SAFB: variants seen among roughly 807,000 people sequenced by gnomAD.
The protein encoded by SAFB is scaffold attachment factor B.
Under a neutral mutation model 101.6 loss-of-function variants are expected in SAFB, and 15 were observed. That is an observed-to-expected ratio of 0.15 (90% CI 0.10 to 0.23). The LOEUF is 0.23. Among genes scored for constraint, SAFB ranks in the 10% least tolerant of loss-of-function variants. The pLI, the probability that SAFB is intolerant of heterozygous loss-of-function variation, is 1.00. For synonymous variants in SAFB, 449 were observed against 407.5 expected (o/e 1.10, Z -1.23); for missense variants, 930 against 1,104.1 (o/e 0.84, Z 2.23).
intron 1 of SAFB, among the ~76,000 whole-genome samples, chr19:5,623,780 G>T (rs1450989868): frequency 6.6e-6 from 1 of 152,194 alleles, no homozygotes; most frequent in East Asian, 1.9e-4. Context: ...GGCCGAGGAC[G>T]GGCAGCGTCG....
At chr19:5,652,655 C>G (rs1196841886) in intron 9 of SAFB, among the ~76,000 whole-genome samples, 1 of 151,938 alleles carries the variant, frequency 6.6e-6, no homozygotes, top group Non-Finnish European at 1.5e-5. Flanking sequence ...CGTTTTGTTA[C>G]AGTCAATGAT....
At chr19:5,659,244 G>A (rs1247081344) in intron 14 of SAFB, among the ~76,000 whole-genome samples, 4 of 151,986 alleles carry the variant, frequency 2.6e-5, no homozygotes, top group Non-Finnish European at 5.9e-5. Context: ...GGTGGAGGTT[G>A]CAGTGAGCCA....
At chr19:5,663,154 T>TACC (rs2054252963) in intron 15 of SAFB, among the ~76,000 whole-genome samples, 1 of 150,948 alleles carries the variant, frequency 6.6e-6, no homozygotes, top group Non-Finnish European at 1.5e-5. Flanking sequence ...AGGCATGTGC[T>TACC]ACCACACCCG....
At chr19:5,654,658 A>C (rs1209577820) in intron 13 of SAFB, among the ~76,000 whole-genome samples, 1 of 152,046 alleles carries the variant, frequency 6.6e-6, no homozygotes, top group Non-Finnish European at 1.5e-5. Flanking sequence ...ATCTTGGCTC[A>C]CTCCAACCTC....
chr19:5,662,058 T>G (rs2054222656), intron 15 of SAFB, among the ~76,000 whole-genome samples: 1 of 152,110 alleles, frequency 6.6e-6, no homozygotes, highest in Non-Finnish European at 1.5e-5. Context: ...CTAATTTTTT[T>G]GTATTTTCAG....
intron 15 of SAFB, among the ~76,000 whole-genome samples, chr19:5,662,645 T>C (rs1336230593): frequency 7.0e-6 from 1 of 142,930 alleles, no homozygotes; most frequent in African/African-American, 2.7e-5. Context: ...GCCCTTTCCT[T>C]TTTTTTTTTT....
intron 15 of SAFB, 69 bp from the exon 16 acceptor site, chr19:5,663,953 C>CTCCCA: frequency 6.5e-7 from 1 of 1,534,392 alleles, no homozygotes; most frequent in Non-Finnish European, 8.9e-7. Flanking sequence ...TAGGGGCCAG[C>CTCCCA]TCCCACAAAG....
chr19:5,664,963 C>G (rs2054295854), intron 17 of SAFB: 1 of 156,234 alleles, frequency 6.4e-6, no homozygotes, highest in Non-Finnish European at 1.4e-5. Flanking sequence ...TTTTCTCCTT[C>G]CATCTTACAT....
intron 1 of SAFB, among the ~76,000 whole-genome samples, chr19:5,625,075 T>C (rs544166168): frequency 8.8e-4 from 134 of 152,020 alleles, no homozygotes; most frequent in Non-Finnish European, 1.1e-3. Context: ...CCTTCTTCCT[T>C]CTCCTTTTCA....
intron 20 of SAFB, 56 bp from the exon 21 acceptor site, chr19:5,668,106 G>A: frequency 6.3e-7 from 1 of 1,586,130 alleles, no homozygotes; most frequent in Non-Finnish European, 8.6e-7. Context: ...TGCAGGCTGG[G>A]ATGGGCCGGG....
intron 2 of SAFB, among the ~76,000 whole-genome samples, chr19:5,637,237 G>A (rs1036779158): frequency 7.9e-5 from 12 of 151,208 alleles, no homozygotes; most frequent in African/African-American, 1.2e-4. Flanking sequence ...CCAGCTACTC[G>A]GGAGGCTGAG....
rs562103543 is a variant in SAFB, at chr19:5,658,149, C to T, written c.1862+802C>T. On this transcript the variant is annotated intron_variant, in intron 14 of 20. Transcript: ENST00000588852. The stretch of plus-strand genomic sequence containing the variant: ...AGTAGCTGGGACTACAGGCGCAAGC[C>T]ACCACACCCGGCTCATTTTTGTATT... 1.1e-4 allele frequency among the ~76,000 whole-genome samples: 16 copies of T among 152,176 alleles called. No homozygotes were observed. In the South Asian group the frequency reaches 2.9e-3, roughly 28 times the overall value.
At chr19:5,635,238 G>A (rs1423210133) in intron 2 of SAFB, among the ~76,000 whole-genome samples, 1 of 152,104 alleles carries the variant, frequency 6.6e-6, no homozygotes, top group Non-Finnish European at 1.5e-5. Flanking sequence ...CAGCCTTTTT[G>A]AGAAGGCAGC....
Position 5,661,539 on chromosome 19 carries a change from A to G in SAFB, c.1884A>G (p.Glu628=), listed in dbSNP as rs565508789. 3.7e-6 allele frequency: 6 copies of G among 1,612,856 alleles called. No homozygotes were observed. In the South Asian group the frequency reaches 5.5e-5, roughly 15 times the overall value. Residue 628 remains glutamate (E), a synonymous_variant, in exon 15 of 21, where the codon GAA becomes GAG. Transcript: ENST00000588852. ...GCAGCAGGGTGCGTGAACGCAGTGA[A>G]CGCGAACAACGCATGCAGGCGCAGT... ...ESHSRVRERS[E]REQRMQAQWE...
At position 5,667,777 on chromosome 19, in the gene SAFB, C is replaced by T. The variant is rs184776140; in HGVS notation, c.2558-43C>T. The T allele has an allele frequency of 2.2e-4, 350 of 1,603,696 alleles. 1 individual carries two copies. In the African/African-American group the frequency reaches 2.9e-3, roughly 13 times the overall value. On this transcript the variant is annotated intron_variant, in intron 19 of 20. Transcript: ENST00000588852. The surrounding 1 kb of genome is among the most constrained non-coding windows in gnomAD (Gnocchi z 4.0). ...GCTAAATGTGCCGTGGGTTCCACGC[C>T]GTGTGCGCAAGTTCCCTGTGTGAAA...
At chr19:5,661,452 T>C in intron 14 of SAFB, 66 bp from the exon 15 acceptor site, 2 of 1,587,318 alleles carry the variant, frequency 1.3e-6, no homozygotes, top group Non-Finnish European at 1.7e-6. Flanking sequence ...GCGTCTTACT[T>C]AAAGTCAGCC....
chr19:5,642,747 C>G (rs1257055128), intron 4 of SAFB, among the ~76,000 whole-genome samples: 1 of 144,526 alleles, frequency 6.9e-6, no homozygotes, highest in Non-Finnish European at 1.5e-5. Flanking sequence ...ACTGCAACCT[C>G]TGCCCCCTGG....
chr19:5,639,326 A>G (rs1599335438), intron 2 of SAFB, among the ~76,000 whole-genome samples: 2 of 152,228 alleles, frequency 1.3e-5, no homozygotes, highest in African/African-American at 2.4e-5. Flanking sequence ...AGCCTTCAGT[A>G]TGGAGGAGGA....
At chr19:5,643,414 A>G (rs1318300322) in intron 4 of SAFB, among the ~76,000 whole-genome samples, 1 of 152,100 alleles carries the variant, frequency 6.6e-6, no homozygotes, top group Non-Finnish European at 1.5e-5. Context: ...AAGTATCCTT[A>G]GAGGTAGCAG....
Sources: gnomAD v4.1 joint callset for allele counts (sites outside exome capture counted in the v4.1 genomes callset) on GRCh38, gnomAD v4.1.1 for gene constraint, Gnocchi (gnomAD v3.1) non-coding constraint, MANE v1.5 for transcripts, NCBI Gene and HGNC (gene_info 2026-07-23, HGNC 2026-07-21) for gene names.